The following MAGOHB variants were observed in gnomAD, a reference collection of about 807,000 sequenced individuals.
The protein encoded by MAGOHB is mago homolog B, exon junction complex subunit.
A neutral mutation model predicts 20.9 loss-of-function variants in MAGOHB; 15 were observed. The ratio of observed to expected loss-of-function variants is 0.72; its 90% confidence interval spans 0.48 to 1.11. The LOEUF is 1.11. MAGOHB is among the 50% of genes least tolerant of loss of function. The pLI, the probability that MAGOHB is intolerant of heterozygous loss-of-function variation, is 0.00. For missense variants in MAGOHB, 162 were observed against 177.6 expected (o/e 0.91, Z 0.50); for synonymous variants, 50 against 57.9 (o/e 0.86, Z 0.62).
At chr12:10,611,732 A>G (rs1865742179) in intron 1 of MAGOHB, among the ~76,000 whole-genome samples, 1 of 135,488 alleles carries the variant, frequency 7.4e-6, no homozygotes, top group Non-Finnish European at 1.6e-5. Flanking sequence ...TGGACGACAG[A>G]GCAAGACTCT....
downstream of MAGOHB, among the ~76,000 whole-genome samples, chr12:10,601,632 C>T (rs551061449): frequency 1.3e-5 from 2 of 152,248 alleles, no homozygotes; most frequent in East Asian, 3.9e-4. Context: ...GAGGTAAGAT[C>T]CATCTCAAAG....
chr12:10,602,726 C>G (rs1017021485), downstream of MAGOHB, among the ~76,000 whole-genome samples: 22 of 152,140 alleles, frequency 1.4e-4, no homozygotes, highest in Non-Finnish European at 2.6e-4. Flanking sequence ...CCTGCAAAAG[C>G]CCTTTTTATT....
intron 4 of MAGOHB, 63 bp from the exon 5 acceptor site, chr12:10,606,437 TAAAAC>T: frequency 2.5e-6 from 2 of 804,422 alleles, no homozygotes; most frequent in Non-Finnish European, 3.9e-6. Flanking sequence ...TTTAAATGCC[TAAAAC>T]AAAACAAATC....
chr12:10,612,673 A>G, intron 1 of MAGOHB: 1 of 1,158,750 alleles, frequency 8.6e-7, no homozygotes, highest in Non-Finnish European at 1.1e-6. Flanking sequence ...TGTCCAGCAC[A>G]AAACGTGCAT....
Position 10,610,772 on chromosome 12 carries a change from T to C in MAGOHB, c.95-92A>G, listed in dbSNP as rs369534572. Reference sequence around the variant, plus strand: ...AATTTTGAAGGTAAAGACCATTTTATACTACTATTTTTATTAATATTTCCT... The same window carrying C: ...AATTTTGAAGGTAAAGACCATTTTACACTACTATTTTTATTAATATTTCCT... On this transcript the variant is annotated intron_variant, in intron 1 of 4. Transcript: ENST00000320756. 6.2e-6 allele frequency: 7 copies of C among 1,133,342 alleles called. No homozygotes were observed. In the East Asian group the frequency reaches 1.1e-4, roughly 18 times the overall value. 70.2% of individuals were successfully genotyped at this position (1,133,342 alleles called of 1,614,324 possible).
At chr12:10,607,702 A>G (rs573227568) in intron 4 of MAGOHB, 152 bp downstream of exon 4, 12 of 581,080 alleles carry the variant, frequency 2.1e-5, no homozygotes, top group Non-Finnish European at 3.0e-5. Flanking sequence ...AGACAAGATA[A>G]TAAGCCTTTA....
At chr12:10,603,183 G>A (rs1384245649), downstream of MAGOHB, among the ~76,000 whole-genome samples, 3 of 151,856 alleles carry the variant, frequency 2.0e-5, no homozygotes, top group Middle Eastern at 3.2e-3. Context: ...GCGTGGTGGC[G>A]GGCGCCTGTA....
At chr12:10,607,581 T>C (rs2125091) in intron 4 of MAGOHB, among the ~76,000 whole-genome samples, 67,414 of 152,084 alleles carry the variant, frequency 0.44, 15,908 homozygotes, top group Non-Finnish European at 0.54. Context: ...GCTGATACTG[T>C]ATCCACATTT....
chr12:10,606,452 CA>C, intron 4 of MAGOHB, 78 bp from the exon 5 acceptor site: 2 of 746,756 alleles, frequency 2.7e-6, no homozygotes, highest in Non-Finnish European at 4.4e-6. Flanking sequence ...CAAAACAAAT[CA>C]AAATCTCATA....
At chr12:10,609,742 C>T (rs1033721288) in intron 3 of MAGOHB, 89 bp downstream of exon 3, 13 of 820,840 alleles carry the variant, frequency 1.6e-5, no homozygotes, top group Non-Finnish European at 2.3e-5. Context: ...AAAGAATCAA[C>T]TTAGACTCAT....
chr12:10,607,982 C>T, intron 3 of MAGOHB, 46 bp from the exon 4 acceptor site: 1 of 1,176,978 alleles, frequency 8.5e-7, no homozygotes, highest in Middle Eastern at 2.2e-4. Flanking sequence ...AAATCTATCC[C>T]AGAGGTATCT....
At chr12:10,608,296 T>C in intron 3 of MAGOHB, 1 of 165,648 alleles carries the variant, frequency 6.0e-6, no homozygotes. Flanking sequence ...CCATTTTTAA[T>C]ATGATAAATA....
intron 4 of MAGOHB, 97 bp downstream of exon 4, chr12:10,607,757 A>C (rs1379515966): frequency 1.5e-6 from 1 of 683,632 alleles, no homozygotes; most frequent in East Asian, 2.7e-5. Context: ...AACTGATAGG[A>C]TGCCACTGAA....
chr12:10,612,814 C>A (rs1232656397), intron 1 of MAGOHB: 10 of 1,288,334 alleles, frequency 7.8e-6, no homozygotes, highest in Non-Finnish European at 1.0e-5. Context: ...AGCAGTTTCA[C>A]CTCATCCTCT....
At chr12:10,600,081 T>C (rs1865540120), downstream of MAGOHB, among the ~76,000 whole-genome samples, 2 of 152,146 alleles carry the variant, frequency 1.3e-5, no homozygotes, top group South Asian at 4.1e-4. Flanking sequence ...TCTGTTTATT[T>C]CAAGTAAATG....
chr12:10,603,192 T>C (rs1328762952), downstream of MAGOHB, among the ~76,000 whole-genome samples: 1 of 151,720 alleles, frequency 6.6e-6, no homozygotes, highest in East Asian at 1.9e-4. Context: ...CGGGCGCCTG[T>C]AGTCCCAGCT....
chr12:10,602,989 T>C (rs1004731941), downstream of MAGOHB, among the ~76,000 whole-genome samples: 1 of 152,178 alleles, frequency 6.6e-6, no homozygotes, highest in Non-Finnish European at 1.5e-5. Flanking sequence ...AGTTGCCATC[T>C]CCTTTTTTAT....
At position 10,605,262 on chromosome 12, in the gene MAGOHB, T is replaced by G. The variant is rs1865605191; in HGVS notation, c.*1013A>C. The stretch of plus-strand genomic sequence containing the variant: ...GAACGTTTCCATTATTGCAAAAAAG[T>G]TATTGGACTGCCCGACTCTAGAGCC... On this transcript the variant is annotated 3_prime_UTR_variant, in exon 5 of 5. Coordinates refer to ENST00000320756, the MANE Select transcript of MAGOHB (RefSeq NM_018048.5). 6.6e-6 allele frequency: 1 copy of G among 152,152 alleles called. No individual in the cohort carries two copies. Among genetic ancestry groups the G allele is most frequent in the African/African-American group, 2.4e-5 (1 of 41,434 alleles). The allele number at this position is 152,152 out of a possible 1,614,324, so 9.4% of individuals were successfully genotyped here.
At chr12:10,613,090 A>G (rs746658140) in intron 1 of MAGOHB, 52 of 551,418 alleles carry the variant, frequency 9.4e-5, no homozygotes, top group Non-Finnish European at 1.5e-4. Flanking sequence ...AAAAAAAGGT[A>G]CTGGTCACCA....
Sources: gnomAD v4.1 joint callset for allele counts (sites outside exome capture counted in the v4.1 genomes callset) on GRCh38, gnomAD v4.1.1 for gene constraint, MANE v1.5 for transcripts, NCBI Gene and HGNC (gene_info 2026-07-23, HGNC 2026-07-21) for gene names.